ZNF385D: variants seen among roughly 807,000 people sequenced by gnomAD.
ZNF385D encodes zinc finger protein 385D, also known as zinc finger protein 659.
In ZNF385D, 15 loss-of-function variants were observed where a neutral mutation model predicts 35.8. The observed-to-expected ratio is 0.42, with a 90% CI of 0.28 to 0.64. ZNF385D has a LOEUF of 0.64. ZNF385D is among the 30% of genes least tolerant of loss of function. The pLI is 0.23. For missense variants in ZNF385D, 474 were observed against 494.6 expected, an observed-to-expected ratio of 0.96 and a Z score of 0.39; for synonymous variants, 212 against 186.8, an observed-to-expected ratio of 1.13 and a Z score of -1.10.
At chr3:21,786,695 G>A (rs10470648) in intron 3 of ZNF385D, among the ~76,000 whole-genome samples, 3 of 152,064 alleles carry the variant, frequency 2.0e-5, no homozygotes, top group Admixed American at 2.0e-4. Context: ...TTTTCTGCTT[G>A]GTAATTCATA....
intron 2 of ZNF385D, among the ~76,000 whole-genome samples, chr3:22,365,888 A>G (rs1696634575): frequency 2.6e-5 from 4 of 152,070 alleles, no homozygotes; most frequent in Admixed American, 2.6e-4. Flanking sequence ...AACTGTTAAT[A>G]TGTTTCTGTT....
rs191588110 is a variant in ZNF385D at position 21,700,166 on chromosome 3, G to A, written c.23-35138C>T. 5.8e-3 allele frequency among the ~76,000 whole-genome samples: 889 copies of A among 152,124 alleles called. 28 individuals carry two copies. Among genetic ancestry groups the A allele is most frequent in the Admixed American group, 0.051 (771 of 15,260 alleles). ...TGTTATGTTTCTATCAGGTAGCGCA[G>A]GGCTAGAGAATGTCGGGGCCAGGTT... On this transcript the variant is annotated intron_variant, in intron 1 of 7. Transcript: ENST00000281523.
intron 3 of ZNF385D, among the ~76,000 whole-genome samples, chr3:22,099,416 G>C (rs935500968): frequency 1.1e-4 from 16 of 152,200 alleles, no homozygotes; most frequent in African/African-American, 3.4e-4. Flanking sequence ...GTAATTATTA[G>C]AACATTGTAG....
At chr3:21,917,633 A>C (rs1700252929) in intron 3 of ZNF385D, among the ~76,000 whole-genome samples, 2 of 152,176 alleles carry the variant, frequency 1.3e-5, no homozygotes, top group Admixed American at 6.5e-5. Context: ...TTTCTGCTTC[A>C]CGTTATAGAG....
At chr3:21,923,091 T>G (rs1285594876) in intron 3 of ZNF385D, among the ~76,000 whole-genome samples, 2 of 152,276 alleles carry the variant, frequency 1.3e-5, no homozygotes, top group East Asian at 3.9e-4. Context: ...CATGCAGGTT[T>G]GTTACATATG....
intron 3 of ZNF385D, among the ~76,000 whole-genome samples, chr3:21,804,206 G>T (rs540387501): frequency 3.9e-5 from 6 of 152,222 alleles, no homozygotes; most frequent in African/African-American, 1.4e-4. Flanking sequence ...TTATGTGGTT[G>T]TTTTAGTAAA....
chr3:21,791,597 T>C (rs1331878220), intron 3 of ZNF385D, among the ~76,000 whole-genome samples: 2 of 152,234 alleles, frequency 1.3e-5, no homozygotes, highest in African/African-American at 4.8e-5. Flanking sequence ...GTGAACATTT[T>C]ACAAAACATT....
At chr3:22,032,970 A>C (rs1482156347) in intron 3 of ZNF385D, among the ~76,000 whole-genome samples, 1 of 152,272 alleles carries the variant, frequency 6.6e-6, no homozygotes, top group Middle Eastern at 3.4e-3. Context: ...TTTGATCTGC[A>C]TCATTCCGTT....
chr3:21,582,613 A>G (rs1037326443), intron 2 of ZNF385D, among the ~76,000 whole-genome samples: 1 of 152,140 alleles, frequency 6.6e-6, no homozygotes, highest in Non-Finnish European at 1.5e-5. Context: ...AGATAAAGGA[A>G]GGATAAAGTC....
chr3:21,899,084 T>G (rs259491), intron 3 of ZNF385D, among the ~76,000 whole-genome samples: 57,544 of 151,930 alleles, frequency 0.38, 11,546 homozygotes, highest in African/African-American at 0.48. Context: ...ATTCCCCAGT[T>G]GGACATTTTT....
At chr3:22,009,902 A>C (rs1056224273) in intron 3 of ZNF385D, among the ~76,000 whole-genome samples, 1 of 151,560 alleles carries the variant, frequency 6.6e-6, no homozygotes, top group Non-Finnish European at 1.5e-5. Context: ...AAAATACAAA[A>C]TTTTTAAAAT....
At chr3:21,678,098 A>C (rs1301361223) in intron 1 of ZNF385D, among the ~76,000 whole-genome samples, 1 of 152,034 alleles carries the variant, frequency 6.6e-6, no homozygotes. Context: ...CCCCGACACA[A>C]ACCCTCAACA....
At chr3:21,595,070 A>G (rs1017579274) in intron 2 of ZNF385D, among the ~76,000 whole-genome samples, 50 of 152,206 alleles carry the variant, frequency 3.3e-4, no homozygotes, top group African/African-American at 1.1e-3. Flanking sequence ...TGGTCTTAAT[A>G]GAACTTAAAC....
At chr3:21,973,387 C>A (rs146566824) in intron 3 of ZNF385D, among the ~76,000 whole-genome samples, 15 of 151,998 alleles carry the variant, frequency 9.9e-5, no homozygotes, top group African/African-American at 3.6e-4. Flanking sequence ...ATAAAAAACT[C>A]TGAAAAACCT....
intron 3 of ZNF385D, among the ~76,000 whole-genome samples, chr3:21,997,756 T>C (rs986453716): frequency 6.6e-6 from 1 of 152,132 alleles, no homozygotes; most frequent in African/African-American, 2.4e-5. Context: ...AAATGGCAGA[T>C]AATATTATAA....
intron 1 of ZNF385D, among the ~76,000 whole-genome samples, chr3:21,696,000 G>C (rs1427893648): frequency 5.9e-5 from 9 of 152,160 alleles, no homozygotes; most frequent in African/African-American, 2.2e-4. Flanking sequence ...CAGTGCTAGT[G>C]GTATTATAGC....
intron 2 of ZNF385D, among the ~76,000 whole-genome samples, chr3:22,169,542 C>A (rs956960040): frequency 6.6e-6 from 1 of 152,138 alleles, no homozygotes; most frequent in East Asian, 1.9e-4. Flanking sequence ...AAGTGACTTA[C>A]ATCTGGATGG....
At chr3:21,673,041 A>C (rs2066622906) in intron 1 of ZNF385D, among the ~76,000 whole-genome samples, 1 of 152,134 alleles carries the variant, frequency 6.6e-6, no homozygotes, top group Non-Finnish European at 1.5e-5. Flanking sequence ...TAGGAAATCA[A>C]AAGATTTTGC....
chr3:21,974,091 A>G (rs1205876476), intron 3 of ZNF385D, among the ~76,000 whole-genome samples: 1 of 152,100 alleles, frequency 6.6e-6, no homozygotes, highest in Non-Finnish European at 1.5e-5. Context: ...ATATGGAACC[A>G]CAAAAGTCCC....
Sources: gnomAD v4.1 joint callset for allele counts (sites outside exome capture counted in the v4.1 genomes callset) on GRCh38, gnomAD v4.1.1 for gene constraint, MANE v1.5 for transcripts, NCBI Gene and HGNC (gene_info 2026-07-23, HGNC 2026-07-21) for gene names.